Variants in XRCC4 observed in about 807,000 individuals in gnomAD.
XRCC4 encodes X-ray repair cross complementing 4.
Under a neutral mutation model 39.1 loss-of-function variants are expected in XRCC4, and 28 were observed. The ratio of observed to expected loss-of-function variants is 0.72; its 90% CI spans 0.53 to 0.98. The LOEUF is 0.98. XRCC4 is among the 50% of genes least tolerant of loss of function. The pLI is 0.00. For synonymous variants in XRCC4, 123 were observed against 126.4 expected (o/e 0.97, Z 0.18); for missense variants, 350 against 376.4 (o/e 0.93, Z 0.58).
At position 83,280,452 on chromosome 5, in the gene XRCC4, A is replaced by G. The variant is rs540213810; in HGVS notation, c.893+21775A>G. On this transcript the variant is annotated intron_variant, in intron 7 of 7. Transcript: ENST00000396027. ...CCGCAATTTTGAAGAAAGTTCTTGC[A>G]CATATCTCCTTAGGCAAAATTGAGG... is the stretch of plus-strand genomic sequence containing the variant. 2.3e-4 allele frequency: 165 copies of G among 715,414 alleles called. No homozygotes were observed. The African/African-American group carries it at 2.6e-3, about 11-fold the overall frequency. 44.3% of individuals were successfully genotyped at this position (715,414 alleles called of 1,614,324 possible). A position where few individuals can be genotyped will look rare whatever the true frequency, so the allele number is the denominator to read the frequency against.
At chr5:83,104,827 T>C (rs998781472) in intron 1 of XRCC4, 83 bp from the exon 2 acceptor site, 3 of 1,274,934 alleles carry the variant, frequency 2.4e-6, no homozygotes, top group South Asian at 2.7e-5. Flanking sequence ...CCTTGGTGTT[T>C]GTGTAGCTGA....
intron 6 of XRCC4, among the ~76,000 whole-genome samples, chr5:83,236,163 A>T (rs961837203): frequency 6.6e-6 from 1 of 152,208 alleles, no homozygotes; most frequent in Non-Finnish European, 1.5e-5. Flanking sequence ...TACAGATTCA[A>T]TGCAATCCCT....
At chr5:83,339,108 CT>C (rs1363082157) in intron 7 of XRCC4, among the ~76,000 whole-genome samples, 1 of 152,160 alleles carries the variant, frequency 6.6e-6, no homozygotes, top group African/African-American at 2.4e-5. Flanking sequence ...TTTTAAAAGC[CT>C]TCTGCCTTTC....
At chr5:83,228,076 G>A (rs564639868) in intron 6 of XRCC4, among the ~76,000 whole-genome samples, 3 of 152,118 alleles carry the variant, frequency 2.0e-5, no homozygotes, top group Admixed American at 2.0e-4. Context: ...TCTATTTTCT[G>A]TACCAGTGTC....
At chr5:83,370,007 C>T in the XRCC4 span, among the ~76,000 whole-genome samples, 2 of 152,082 alleles carry the variant, frequency 1.3e-5, no homozygotes, top group Non-Finnish European at 2.9e-5. Flanking sequence ...TTTTTCTTCC[C>T]ATATATTTAA....
chr5:83,243,464 T>A (rs1181906090), intron 6 of XRCC4, among the ~76,000 whole-genome samples: 1 of 152,220 alleles, frequency 6.6e-6, no homozygotes, highest in African/African-American at 2.4e-5. Flanking sequence ...CTTGCTCTTA[T>A]AATAAAGACA....
At chr5:83,166,186 C>G (rs1199249666) in intron 3 of XRCC4, among the ~76,000 whole-genome samples, 3 of 152,164 alleles carry the variant, frequency 2.0e-5, no homozygotes, top group African/African-American at 7.2e-5. Context: ...CACACCCGGC[C>G]ACATTTTTCT....
intron 7 of XRCC4, among the ~76,000 whole-genome samples, chr5:83,308,251 T>C (rs1755557267): frequency 6.6e-6 from 1 of 152,200 alleles, no homozygotes; most frequent in African/African-American, 2.4e-5. Context: ...AAGAAAGTAC[T>C]TAATCATTCT....
At chr5:83,110,978 G>A in intron 2 of XRCC4, 50 bp from the exon 3 acceptor site, 2 of 1,519,276 alleles carry the variant, frequency 1.3e-6, no homozygotes, top group Non-Finnish European at 1.8e-6. Flanking sequence ...ATTTTCTCAT[G>A]TGTAGTCATT....
At chr5:83,182,651 T>C (rs1750254509) in intron 3 of XRCC4, among the ~76,000 whole-genome samples, 1 of 152,202 alleles carries the variant, frequency 6.6e-6, no homozygotes, top group African/African-American at 2.4e-5. Context: ...TGTTGAAGCT[T>C]AAGTCTTCTT....
At chr5:83,185,422 TTA>T (rs67640834) in intron 3 of XRCC4, among the ~76,000 whole-genome samples, 62,530 of 145,982 alleles carry the variant, frequency 0.43, 13,765 homozygotes, top group African/African-American at 0.49. Flanking sequence ...AAAGTATGTA[TTA>T]TATATATATA....
chr5:83,302,951 G>A (rs1439100049), intron 7 of XRCC4, among the ~76,000 whole-genome samples: 4 of 152,150 alleles, frequency 2.6e-5, no homozygotes, highest in African/African-American at 7.2e-5. Flanking sequence ...AGTGGCTTAC[G>A]CCTGTAATCC....
At chr5:83,248,438 T>C (rs763350311) in intron 6 of XRCC4, among the ~76,000 whole-genome samples, 52 of 152,152 alleles carry the variant, frequency 3.4e-4, no homozygotes, top group Non-Finnish European at 1.8e-4. Context: ...ATGCGGATAA[T>C]TATTAGACAG....
At chr5:83,116,642 G>GAT (rs1746735380) in intron 3 of XRCC4, among the ~76,000 whole-genome samples, 1 of 109,604 alleles carries the variant, frequency 9.1e-6, no homozygotes, top group African/African-American at 3.3e-5. Context: ...TTTTTTTTGA[G>GAT]ATGGAGCCTC....
At chr5:83,228,969 A>G (rs757099467) in intron 6 of XRCC4, among the ~76,000 whole-genome samples, 3 of 152,094 alleles carry the variant, frequency 2.0e-5, no homozygotes, top group Non-Finnish European at 4.4e-5. Context: ...TGGCACTATC[A>G]TGTGTTTCAA....
chr5:83,258,574 A>G lies in XRCC4; in HGVS notation c.790A>G (p.Thr264Ala). 6.2e-7 allele frequency: 1 copy of G among 1,609,210 alleles called. No homozygotes were observed. The highest frequency in any genetic ancestry group is 1.3e-5 in the African/African-American group (1 of 74,730). ...TTCCATTATTTCAAGTCTTGATGTCACTGATATTGCACCAAGTAGAAAAAG... is the reference window on the plus strand; with the variant it reads ...TTCCATTATTTCAAGTCTTGATGTCGCTGATATTGCACCAAGTAGAAAAAG... ...DDSIISSLDV[T>A]DIAPSRKRRQ... The change falls in exon 7 of 8, where the codon ACT (threonine) becomes GCT (alanine). Residue 264 changes from threonine to alanine, a missense_variant. By Grantham distance (58) the Thr-to-Ala change is moderately conservative (BLOSUM62 0). Coordinates refer to ENST00000396027, the MANE Select transcript of XRCC4 (RefSeq NM_003401.5).
rs564856589 is a variant in XRCC4, at chr5:83,115,153, A to G, written c.315+3950A>G. 1.2e-4 allele frequency among the ~76,000 whole-genome samples: 18 copies of G among 152,140 alleles called. No homozygotes were observed. The South Asian group carries it at 3.7e-3, about 32-fold the overall frequency. On this transcript the variant is annotated intron_variant, in intron 3 of 7. Coordinates refer to ENST00000396027, the MANE Select transcript of XRCC4 (RefSeq NM_003401.5). ...GGAATTATGGGATCTACAATTCAAGATGAGATTTAGGCCGGGTGCCTCCCA... is the reference window on the plus strand; with the variant it reads ...GGAATTATGGGATCTACAATTCAAGGTGAGATTTAGGCCGGGTGCCTCCCA...
chr5:83,225,603 C>T (rs1159099740), intron 6 of XRCC4, among the ~76,000 whole-genome samples: 2 of 104,306 alleles, frequency 1.9e-5, no homozygotes, highest in South Asian at 6.8e-4. Flanking sequence ...AAATTTATTC[C>T]AGAAAAAAAA....
chr5:83,101,191 G>A (rs1446036930), intron 1 of XRCC4, among the ~76,000 whole-genome samples: 2 of 151,906 alleles, frequency 1.3e-5, no homozygotes, highest in East Asian at 1.9e-4. Context: ...CTTTGTTCCT[G>A]ATTCTGACTT....
Sources: allele counts gnomAD v4.1 joint callset (sites outside exome capture counted in the v4.1 genomes callset), GRCh38; gene constraint gnomAD v4.1.1; transcripts MANE v1.5; gene names NCBI Gene and HGNC (gene_info 2026-07-23, HGNC 2026-07-21).